AOC1: variants seen among roughly 807,000 people sequenced by gnomAD.
The protein encoded by AOC1 is diamine oxidase [copper-containing].
A neutral mutation model predicts 57.1 loss-of-function variants in AOC1; 58 were observed. The ratio of observed to expected loss-of-function variants is 1.02; its 90% confidence interval spans 0.82 to 1.26. The LOEUF (loss-of-function observed/expected upper bound fraction) is 1.26. AOC1 is among the 50% of genes most tolerant of loss of function. The pLI, the probability that AOC1 is intolerant of heterozygous loss-of-function variation, is 0.00. For synonymous variants in AOC1, 401 were observed against 423.4 expected, an observed-to-expected ratio of 0.95 and a Z score of 0.65; for missense variants, 917 against 1,005.3, an observed-to-expected ratio of 0.91 and a Z score of 1.19.
chr7:150,855,069 C>A (rs1213211770), intron 1 of AOC1, among the ~76,000 whole-genome samples: 1 of 152,222 alleles, frequency 6.6e-6, no homozygotes, highest in Non-Finnish European at 1.5e-5. Context: ...AGAGTCCAAC[C>A]CACTCATGCA....
chr7:150,859,362 G>T (rs13235597), intron 3 of AOC1, among the ~76,000 whole-genome samples: 3 of 152,122 alleles, frequency 2.0e-5, no homozygotes, highest in Non-Finnish European at 4.4e-5. Context: ...CTGTGTGTCA[G>T]ATACTGTGTT....
chr7:150,860,948 G>A lies in AOC1; in HGVS notation c.1995G>A (p.Leu665=), dbSNP rs767432638. The part of the protein sequence containing the change: ...HNNENIENED[L]VAWVTVGFLH... ...GCCCACCCTGTCTCCTGCAGGACCT[G>A]GTGGCCTGGGTGACGGTGGGCTTCC... Residue 665 remains leucine, a synonymous_variant, in exon 5 of 5, where the codon CTG becomes CTA. Transcript: ENST00000360937. 1.2e-6 allele frequency: 2 copies of A among 1,611,824 alleles called. No individual in the cohort carries two copies. The highest frequency in any genetic ancestry group is 1.7e-6 in the Non-Finnish European group (2 of 1,179,460).
Position 150,856,743 on chromosome 7 carries a change from G to C in AOC1, c.273G>C (p.Arg91Ser), listed in dbSNP as rs200206369. The change falls in exon 2 of 5, where the codon AGG becomes AGC. Residue 91 changes from arginine to serine, a missense_variant. Arg to Ser is a moderately radical substitution (Grantham distance 110). Coordinates refer to ENST00000360937, the MANE Select transcript of AOC1 (RefSeq NM_001091.4). The surrounding 1 kb of genome is among the most constrained non-coding windows in gnomAD (Gnocchi z 5.2). ...TGAGGTTTCTGGATAAAGGTGAAAG[G>C]CATCCTGTGCGGGAAGCCCGTGCCG... ...HVLRFLDKGERHPVREARAVI... is the reference protein window; with the variant it reads ...HVLRFLDKGESHPVREARAVI... The C allele has an allele frequency of 3.7e-6, 6 of 1,614,026 alleles. No individual in the cohort carries two copies. The highest frequency in any genetic ancestry group is 2.2e-5 in the South Asian group (2 of 91,088).
intron 1 of AOC1, chr7:150,853,886 G>T (rs1009618237): frequency 6.6e-6 from 1 of 151,938 alleles, no homozygotes; most frequent in South Asian, 2.1e-4. Context: ...GCCGGGCATG[G>T]TGGTGCACAC....
Position 150,857,803 on chromosome 7 carries a change from C to A in AOC1, c.1333C>A (p.Leu445Met), listed in dbSNP as rs1382593013. 6.2e-7 allele frequency: 1 copy of A among 1,614,056 alleles called. No individual in the cohort carries two copies. The highest frequency in any genetic ancestry group is 1.3e-5 in the African/African-American group (1 of 74,944). ...FKGGFNFYAG[L>M]KGQVLVLRTT... ...AGGTGGCTTCAACTTCTATGCGGGGCTGAAGGGCCAGGTGCTGGTGCTGCG... is the reference window on the plus strand; with the variant it reads ...AGGTGGCTTCAACTTCTATGCGGGGATGAAGGGCCAGGTGCTGGTGCTGCG... Residue 445 changes from leucine to methionine, a missense_variant, in exon 2 of 5, where the codon CTG becomes ATG. Leu to Met is a conservative substitution (Grantham distance 15). Transcript: ENST00000360937. The surrounding 1 kb of genome is among the most constrained non-coding windows in gnomAD (Gnocchi z 6.6).
chr7:150,857,309 C>T lies in AOC1; in HGVS notation c.839C>T (p.Pro280Leu), dbSNP rs775169994. 6 of 1,597,166 alleles carry T rather than the reference C, an allele frequency of 3.8e-6. No individual in the cohort carries two copies. The highest frequency in any genetic ancestry group is 5.1e-6 in the Non-Finnish European group (6 of 1,170,304). Residue 280 changes from proline (P) to leucine (L), a missense_variant, in exon 2 of 5, where the codon CCC becomes CTC. Transcript: ENST00000360937. The surrounding 1 kb of genome is among the most constrained non-coding windows in gnomAD (Gnocchi z 6.6). Reference protein sequence around the residue: ...GKGHDSTEEPPLFSSHKPRGD... With the variant: ...GKGHDSTEEPLLFSSHKPRGD... ...GGGCATGACAGCACAGAGGAGCCGC[C>T]CCTCTTCTCCTCCCACAAGCCCCGC...
intron 1 of AOC1, among the ~76,000 whole-genome samples, chr7:150,854,523 G>A (rs879932389): frequency 1.1e-4 from 17 of 152,120 alleles, no homozygotes; most frequent in Middle Eastern, 3.2e-3. Flanking sequence ...AGCATTCCTC[G>A]GCAGTGCGGG....
At chr7:150,860,871 A>C in intron 4 of AOC1, 72 bp from the exon 5 acceptor site, 1 of 1,531,646 alleles carries the variant, frequency 6.5e-7, no homozygotes, top group South Asian at 1.2e-5. Flanking sequence ...ACTGAAAATG[A>C]CCAAAGGCTA....
chr7:150,858,275 G>A (rs544765369), intron 2 of AOC1, among the ~76,000 whole-genome samples: 1 of 152,308 alleles, frequency 6.6e-6, no homozygotes, highest in East Asian at 1.9e-4. Context: ...CCCTGGGGCT[G>A]TGCATGGGGC....
chr7:150,857,018 C>T lies in AOC1; in HGVS notation c.548C>T (p.Ala183Val). The T allele has an allele frequency of 1.9e-6, 3 of 1,614,174 alleles. 1 individual carries two copies. The highest frequency in any genetic ancestry group is 8.5e-7 in the Non-Finnish European group (1 of 1,179,998). ...CAAGACTGCCATGACAGATGCCTGG[C>T]CTTCACCGATGTGGCCCCCCGGGGT... ...SFQDCHDRCLAFTDVAPRGVA... is the reference protein window; with the variant it reads ...SFQDCHDRCLVFTDVAPRGVA... The change falls in exon 2 of 5, where the codon GCC becomes GTC. Residue 183 changes from alanine to valine, a missense_variant. Transcript: ENST00000360937. The surrounding 1 kb of genome is among the most constrained non-coding windows in gnomAD (Gnocchi z 6.6).
Position 150,861,338 on chromosome 7 carries a change from A to G in AOC1, c.*129A>G, listed in dbSNP as rs529449169. 30 of 1,139,586 alleles carry G rather than the reference A, an allele frequency of 2.6e-5. 1 individual carries two copies. The Admixed American group carries it at 6.6e-4, about 25-fold the overall frequency. The allele number at this position is 1,139,586 out of a possible 1,614,324, so 70.6% of individuals were successfully genotyped here. A position where few individuals can be genotyped will look rare whatever the true frequency, so the allele number is the denominator to read the frequency against. ...GGAGGCACAGGGCCATGTGTGTAGG[A>G]AACACACGAACAGACGTGCACACAC... On this transcript the variant is annotated 3_prime_UTR_variant, in exon 5 of 5. Transcript: ENST00000360937. This position sits in a 1 kb window ranked among gnomAD's most constrained non-coding sequence, Gnocchi z 4.5.
chr7:150,861,288 T>C lies in AOC1; in HGVS notation c.*79T>C. On this transcript the variant is annotated 3_prime_UTR_variant, in exon 5 of 5. Transcript: ENST00000360937. The surrounding 1 kb of genome is among the most constrained non-coding windows in gnomAD (Gnocchi z 4.5). ...GGGCAGACAATAAACCCTCAGAGCCTCGCTCTGTGTGCTGCTTCTTGCGGG... is the reference window on the plus strand; with the variant it reads ...GGGCAGACAATAAACCCTCAGAGCCCCGCTCTGTGTGCTGCTTCTTGCGGG... 7.0e-7 allele frequency: 1 copy of C among 1,438,538 alleles called. No individual in the cohort carries two copies. The highest frequency in any genetic ancestry group is 9.3e-7 in the Non-Finnish European group (1 of 1,076,630). 89.1% of individuals were successfully genotyped at this position (1,438,538 alleles called of 1,614,324 possible).
intron 1 of AOC1, among the ~76,000 whole-genome samples, chr7:150,855,853 A>G (rs1244932068): frequency 6.6e-6 from 1 of 152,150 alleles, no homozygotes; most frequent in Non-Finnish European, 1.5e-5. Context: ...GGAGCTAAGC[A>G]CTGTTGTCAT....
At chr7:150,855,478 T>C (rs1300348566) in intron 1 of AOC1, among the ~76,000 whole-genome samples, 2 of 152,174 alleles carry the variant, frequency 1.3e-5, no homozygotes, top group Non-Finnish European at 2.9e-5. Context: ...TTACAGCTGC[T>C]TGGGGAATGG....
At chr7:150,858,255 C>T (rs1192992975) in intron 2 of AOC1, among the ~76,000 whole-genome samples, 2 of 152,082 alleles carry the variant, frequency 1.3e-5, no homozygotes, top group Admixed American at 1.3e-4. Context: ...CAGTGTGGAC[C>T]CTGTCCTGAC....
At chr7:150,858,624 C>T (rs939913549) in intron 2 of AOC1, 139 bp from the exon 3 acceptor site, 18 of 951,344 alleles carry the variant, frequency 1.9e-5, no homozygotes, top group Non-Finnish European at 2.8e-5. Flanking sequence ...CACAGCCGCC[C>T]AGGGCATCCC....
rs748087173 is a variant in AOC1 at position 150,858,850 on chromosome 7, C to A, written c.1658C>A (p.Thr553Asn). The A allele has an allele frequency of 3.1e-6, 5 of 1,613,914 alleles. No homozygotes were observed. The East Asian group carries it at 8.9e-5, about 29-fold the overall frequency. The change falls in exon 3 of 5, where the codon ACT (threonine) becomes AAT (asparagine). Residue 553 changes from threonine (T) to asparagine (N), a missense_variant. Physicochemically the swap from Thr to Asn is moderately conservative, Grantham distance 65. Transcript: ENST00000360937. ...CCAAGACACCGCGTGGTCCAGCCAA[C>A]TCTGGAGCAGACGCAGTACTCCTGG... Reference protein sequence around the residue: ...WSPRHRVVQPTLEQTQYSWER... With the variant: ...WSPRHRVVQPNLEQTQYSWER...
At position 150,852,796 on chromosome 7, in the gene AOC1, C is replaced by A. The variant is rs953420483; in HGVS notation, c.-17+238C>A. ...GAGAGGAGGGTGAGCAGGGAGAGGG[C>A]TTGCTTCCTGTTCCTGCCTGGAGGT... On this transcript the variant is annotated intron_variant, in intron 1 of 4. Coordinates refer to ENST00000360937, the MANE Select transcript of AOC1 (RefSeq NM_001091.4). This position sits in a 1 kb window ranked among gnomAD's most constrained non-coding sequence, Gnocchi z 4.6. 1.3e-5 allele frequency among the ~76,000 whole-genome samples: 2 copies of A among 152,144 alleles called. No homozygotes were observed. Among genetic ancestry groups the A allele is most frequent in the Admixed American group, 1.3e-4 (2 of 15,278 alleles).
At chr7:150,858,066 G>C (rs187425555) in intron 2 of AOC1, 26 bp downstream of exon 2, 42 of 1,496,366 alleles carry the variant, frequency 2.8e-5, no homozygotes, top group South Asian at 2.1e-4. Context: ...AGACTCTCCC[G>C]TTCAAACATC....
Sources: allele counts gnomAD v4.1 joint callset (sites outside exome capture counted in the v4.1 genomes callset), GRCh38; gene constraint gnomAD v4.1.1; non-coding constraint Gnocchi (gnomAD v3.1); transcripts MANE v1.5; gene names NCBI Gene and HGNC (gene_info 2026-07-23, HGNC 2026-07-21).